Variants in CAAP1 observed in about 807,000 individuals in gnomAD.
CAAP1 encodes the protein conserved anti-apoptotic protein.
A neutral mutation model predicts 34.0 loss-of-function variants in CAAP1; 20 were observed. That is an observed-to-expected ratio of 0.59 (90% CI 0.41 to 0.86). The LOEUF is 0.86. Ranked by LOEUF, CAAP1 falls within the 40% of genes least tolerant of loss-of-function variation. The pLI, the probability that CAAP1 is intolerant of heterozygous loss-of-function variation, is 0.00. For missense variants in CAAP1, 538 were observed against 450.5 expected, an observed-to-expected ratio of 1.19 and a Z score of -1.76; for synonymous variants, 213 against 166.7, an observed-to-expected ratio of 1.28 and a Z score of -2.14.
At position 26,861,199 on chromosome 9, in the gene CAAP1, C is replaced by T. The variant is rs1587101443; in HGVS notation, c.666-60G>A. ...ATATTTAATCACATAATATTTACTA[C>T]CCAGGTTCCCAGAATTAAGTTAGGC... On this transcript the variant is annotated intron_variant, in intron 4 of 5. Coordinates refer to ENST00000333916, the MANE Select transcript of CAAP1 (RefSeq NM_024828.4). 31 of 1,220,818 alleles carry T rather than the reference C, an allele frequency of 2.5e-5. No homozygotes were observed. The South Asian group carries it at 2.8e-4, about 11-fold the overall frequency. The allele number at this position is 1,220,818 out of a possible 1,614,324, so 75.6% of individuals were successfully genotyped here.
intron 5 of CAAP1, among the ~76,000 whole-genome samples, chr9:26,860,808 A>T (rs993785904): frequency 2.0e-5 from 3 of 152,142 alleles, no homozygotes; most frequent in Non-Finnish European, 4.4e-5. Flanking sequence ...ATAAATAAAT[A>T]AATTTAATTT....
intron 5 of CAAP1, among the ~76,000 whole-genome samples, chr9:26,852,977 G>A (rs1822788801): frequency 6.6e-6 from 1 of 152,188 alleles, no homozygotes; most frequent in Non-Finnish European, 1.5e-5. Context: ...AAGCAAGGAG[G>A]CAGGAGCAGA....
Position 26,892,634 on chromosome 9 carries a change from T to C in CAAP1, c.82A>G (p.Ile28Val). Residue 28 changes from isoleucine to valine, a missense_variant, in exon 1 of 6, where the codon ATC becomes GTC. Ile to Val is a conservative substitution (Grantham distance 29, BLOSUM62 3). Coordinates refer to ENST00000333916, the MANE Select transcript of CAAP1 (RefSeq NM_024828.4). Reference protein sequence around the residue: ...EAAAALAAPDIVPALASGSSG... With the variant: ...EAAAALAAPDVVPALASGSSG... ...CTGCCGCTGGCCAACGCGGGTACGA[T>C]GTCCGGGGCCGCGAGCGCTGCGGCC... 6.2e-7 allele frequency: 1 copy of C among 1,608,870 alleles called. No individual in the cohort carries two copies. Among genetic ancestry groups the C allele is most frequent in the Non-Finnish European group, 8.5e-7 (1 of 1,179,344 alleles).
At chr9:26,869,273 C>T (rs1318567846) in intron 4 of CAAP1, among the ~76,000 whole-genome samples, 2 of 151,928 alleles carry the variant, frequency 1.3e-5, no homozygotes, top group South Asian at 2.1e-4. Flanking sequence ...ATGTCACTTC[C>T]GTAAAAAAGA....
rs567512129 is a variant in CAAP1 at position 26,846,876 on chromosome 9, G to A, written c.740-4229C>T. On this transcript the variant is annotated intron_variant, in intron 5 of 5. Transcript: ENST00000333916. Reference sequence around the variant, plus strand: ...CTAATTTCGTATTTTTAGTAGAGACGGGGTTTCTCCATGTTGGTCAGGCTG... The same window carrying A: ...CTAATTTCGTATTTTTAGTAGAGACAGGGTTTCTCCATGTTGGTCAGGCTG... 3.9e-4 allele frequency among the ~76,000 whole-genome samples: 59 copies of A among 151,668 alleles called. 2 individuals are homozygous for A. The South Asian group carries it at 0.011, about 27-fold the overall frequency.
intron 5 of CAAP1, among the ~76,000 whole-genome samples, chr9:26,855,927 C>T (rs1686329691): frequency 6.6e-6 from 1 of 152,144 alleles, no homozygotes; most frequent in African/African-American, 2.4e-5. Flanking sequence ...ATACACATCA[C>T]AGGATAGAAT....
At chr9:26,850,595 C>T (rs114407155) in intron 5 of CAAP1, among the ~76,000 whole-genome samples, 3,112 of 152,252 alleles carry the variant, frequency 0.02, 102 homozygotes, top group African/African-American at 0.071. Context: ...TTAAGAAATA[C>T]TGAAAAGACT....
At chr9:26,863,792 A>G (rs1823060751) in intron 4 of CAAP1, among the ~76,000 whole-genome samples, 1 of 151,236 alleles carries the variant, frequency 6.6e-6, no homozygotes, top group South Asian at 2.1e-4. Context: ...AAAAAAAAAA[A>G]AAGCCTGTTT....
chr9:26,865,972 G>A (rs942739615), intron 4 of CAAP1, among the ~76,000 whole-genome samples: 24 of 152,064 alleles, frequency 1.6e-4, no homozygotes, highest in Non-Finnish European at 3.4e-4. Flanking sequence ...TCAGCCACCC[G>A]AGTAGCTGGG....
chr9:26,861,758 G>T (rs999999313), intron 4 of CAAP1, among the ~76,000 whole-genome samples: 1 of 152,082 alleles, frequency 6.6e-6, no homozygotes, highest in Non-Finnish European at 1.5e-5. Context: ...AATTATAAAT[G>T]TTCAAATGAG....
At chr9:26,850,904 A>G (rs1221206014) in intron 5 of CAAP1, among the ~76,000 whole-genome samples, 1 of 152,260 alleles carries the variant, frequency 6.6e-6, no homozygotes, top group Non-Finnish European at 1.5e-5. Context: ...CAAATGATTC[A>G]GTAAAGAAAA....
chr9:26,886,746 C>G (rs1422531731), intron 2 of CAAP1, among the ~76,000 whole-genome samples: 1 of 152,202 alleles, frequency 6.6e-6, no homozygotes, highest in Non-Finnish European at 1.5e-5. Context: ...AATTTAGTTA[C>G]TATCATTCCC....
intron 5 of CAAP1, among the ~76,000 whole-genome samples, chr9:26,859,047 C>G (rs1471237143): frequency 4.0e-5 from 6 of 149,358 alleles, no homozygotes; most frequent in Admixed American, 4.0e-4. Flanking sequence ...ATTTGCTAAT[C>G]ATTTAGTCAC....
intron 4 of CAAP1, among the ~76,000 whole-genome samples, chr9:26,873,574 A>G (rs1021105784): frequency 6.6e-6 from 1 of 152,194 alleles, no homozygotes; most frequent in African/African-American, 2.4e-5. Flanking sequence ...TTGGAACATA[A>G]TCATCTAACA....
In CAAP1 at chr9:26,861,140, C is replaced by T; in HGVS notation, c.666-1G>A. On this transcript the variant is annotated splice_acceptor_variant, in intron 4 of 5. Transcript: ENST00000333916. LOFTEE classifies it high-confidence loss of function. ...AGCAGAATCTATACAGATGTCTTGC[C>T]TGGGAAATGAAAATAAGATCAACCT... 1 of 1,602,344 alleles carries T rather than the reference C, an allele frequency of 6.2e-7. No individual in the cohort carries two copies. Among genetic ancestry groups the T allele is most frequent in the Non-Finnish European group, 8.5e-7 (1 of 1,170,828 alleles).
At chr9:26,866,255 T>C (rs147573066) in intron 4 of CAAP1, among the ~76,000 whole-genome samples, 24 of 152,318 alleles carry the variant, frequency 1.6e-4, no homozygotes, top group African/African-American at 4.6e-4. Flanking sequence ...CATAAGTATA[T>C]GTACTGGGTA....
intron 4 of CAAP1, among the ~76,000 whole-genome samples, chr9:26,878,300 T>A (rs1823496031): frequency 6.6e-6 from 1 of 152,190 alleles, no homozygotes; most frequent in African/African-American, 2.4e-5. Flanking sequence ...GATATCAAGA[T>A]CCTTTAAAGA....
chr9:26,849,320 T>C (rs898771624), intron 5 of CAAP1, among the ~76,000 whole-genome samples: 1 of 152,226 alleles, frequency 6.6e-6, no homozygotes, highest in Non-Finnish European at 1.5e-5. Context: ...ATTTCTTCAT[T>C]TGTATTGTTT....
At chr9:26,886,976 G>A (rs950075844) in intron 2 of CAAP1, among the ~76,000 whole-genome samples, 1 of 152,142 alleles carries the variant, frequency 6.6e-6, no homozygotes, top group African/African-American at 2.4e-5. Flanking sequence ...AACACCTTGG[G>A]AGGCCAAGGT....
Sources: gnomAD v4.1 joint callset for allele counts (sites outside exome capture counted in the v4.1 genomes callset) on GRCh38, gnomAD v4.1.1 for gene constraint, MANE v1.5 for transcripts, NCBI Gene and HGNC (gene_info 2026-07-23, HGNC 2026-07-21) for gene names.